Variants in CCDC7 observed in about 807,000 individuals in gnomAD.
CCDC7 encodes coiled-coil domain containing 7.
Under a neutral mutation model 196.9 loss-of-function variants are expected in CCDC7, and 183 were observed. The observed-to-expected ratio is 0.93, with a 90% confidence interval of 0.82 to 1.05. The LOEUF (loss-of-function observed/expected upper bound fraction) is 1.05, where lower values mean the gene tolerates loss of function less well. Ranked by LOEUF, CCDC7 falls within the 50% of genes least tolerant of loss-of-function variation. The pLI is 0.00. For synonymous variants in CCDC7, 525 were observed against 484.6 expected, an observed-to-expected ratio of 1.08 and a Z score of -1.10; for missense variants, 1,540 against 1,482.2, an observed-to-expected ratio of 1.04 and a Z score of -0.64.
chr10:32,500,906 C>T (rs182094681), intron 9 of CCDC7, among the ~76,000 whole-genome samples: 1,848 of 152,204 alleles, frequency 0.012, 42 homozygotes, highest in African/African-American at 0.043. Flanking sequence ...ACCAGTCAGG[C>T]GTGGCGGCGC....
intron 18 of CCDC7, among the ~76,000 whole-genome samples, chr10:32,616,868 G>A (rs1454151256): frequency 6.6e-6 from 1 of 151,662 alleles, no homozygotes; most frequent in Non-Finnish European, 1.5e-5. Context: ...TATCATGAAG[G>A]GATGCTGAAT....
At chr10:32,565,208 C>G (rs1472349099) in intron 13 of CCDC7, among the ~76,000 whole-genome samples, 1 of 152,116 alleles carries the variant, frequency 6.6e-6, no homozygotes, top group Non-Finnish European at 1.5e-5. Flanking sequence ...TACTCATTTG[C>G]ACAAAGCCAG....
intron 24 of CCDC7, among the ~76,000 whole-genome samples, chr10:32,695,807 G>C (rs906976310): frequency 6.6e-6 from 1 of 152,290 alleles, no homozygotes; most frequent in East Asian, 1.9e-4. Flanking sequence ...TACAATGTCA[G>C]TTGCTTTAAA....
chr10:32,631,495 A>G (rs984418190), intron 18 of CCDC7, among the ~76,000 whole-genome samples: 1 of 152,126 alleles, frequency 6.6e-6, no homozygotes, highest in Non-Finnish European at 1.5e-5. Flanking sequence ...TCTCAATTCT[A>G]TTGCATTTAT....
At chr10:32,445,147 C>G (rs2030664623), upstream of CCDC7, among the ~76,000 whole-genome samples, 1 of 152,154 alleles carries the variant, frequency 6.6e-6, no homozygotes, top group Non-Finnish European at 1.5e-5. Context: ...GCCACCACGC[C>G]CAGCCTGCCT....
chr10:32,626,857 C>T (rs1447260545), intron 18 of CCDC7, among the ~76,000 whole-genome samples: 1 of 151,858 alleles, frequency 6.6e-6, no homozygotes, highest in Non-Finnish European at 1.5e-5. Flanking sequence ...AATCAATTGG[C>T]TATATAGGCT....
chr10:32,727,437 G>A (rs1439107020), intron 26 of CCDC7, among the ~76,000 whole-genome samples: 1 of 152,062 alleles, frequency 6.6e-6, no homozygotes, highest in African/African-American at 2.4e-5. Flanking sequence ...TTTCATTTTA[G>A]GGGATTGAGA....
intron 34 of CCDC7, 48 bp from the exon 36 acceptor site, chr10:32,845,495 G>A (rs148652276): frequency 7.7e-5 from 112 of 1,455,964 alleles, no homozygotes; most frequent in Non-Finnish European, 1.1e-4. Context: ...CACAAGTATG[G>A]TAATGATAAT....
chr10:32,762,522 G>A (rs1319847778), intron 28 of CCDC7, among the ~76,000 whole-genome samples: 1 of 151,482 alleles, frequency 6.6e-6, no homozygotes, highest in Non-Finnish European at 1.5e-5. Context: ...ACATCAAGTA[G>A]CCAAAACAGT....
At position 32,805,029 on chromosome 10, in the gene CCDC7, AG is replaced by A; in HGVS notation, c.3029del (p.Ser1010ThrfsTer2). On this transcript the variant is annotated frameshift_variant, in exon 30 of 42. Transcript: ENST00000639629. LOFTEE classifies it high-confidence loss of function. ...TATTTCTATAGAGACTGATATAGAA[AG>A]CTTGAGAGGTGCTTTGGGAAGACGC... 3.7e-6 allele frequency: 6 copies of A among 1,610,140 alleles called. No individual in the cohort carries two copies. The highest frequency in any genetic ancestry group is 1.7e-6 in the Non-Finnish European group (2 of 1,176,552).
chr10:32,794,084 T>C (rs1283843917), intron 29 of CCDC7, among the ~76,000 whole-genome samples: 1 of 152,148 alleles, frequency 6.6e-6, no homozygotes, highest in Non-Finnish European at 1.5e-5. Flanking sequence ...TAGTACTCCA[T>C]AGGTAGCCTT....
At chr10:32,641,274 C>G (rs1355775217) in intron 20 of CCDC7, among the ~76,000 whole-genome samples, 2 of 152,234 alleles carry the variant, frequency 1.3e-5, no homozygotes, top group Non-Finnish European at 2.9e-5. Context: ...TTCTCCCTGT[C>G]ACTTTCAGAT....
At chr10:32,648,121 A>G (rs945133063) in intron 20 of CCDC7, among the ~76,000 whole-genome samples, 2 of 152,166 alleles carry the variant, frequency 1.3e-5, no homozygotes, top group Non-Finnish European at 2.9e-5. Context: ...TGGTCTTGTC[A>G]AATATCAGAT....
rs558135609 is a variant in CCDC7 at position 32,641,787 on chromosome 10, C to T, written c.2014+6629C>T. On this transcript the variant is annotated intron_variant, in intron 20 of 41. Transcript: ENST00000639629. ...TTTTTCCCCATCTTCGTGGTTTTAT[C>T]TACCTTTGGTCTTTGATGATGGTGA... is the stretch of plus-strand genomic sequence containing the variant. Among the ~76,000 whole-genome samples the T allele has an allele frequency of 7.2e-5, 11 of 152,284 alleles. 1 individual carries two copies. In the South Asian group the frequency reaches 2.1e-3, roughly 29 times the overall value.
chr10:32,495,468 G>C (rs1252598714), intron 9 of CCDC7, among the ~76,000 whole-genome samples: 1 of 152,158 alleles, frequency 6.6e-6, no homozygotes, highest in Admixed American at 6.5e-5. Flanking sequence ...CTTTACCCAT[G>C]CCTATGTCCT....
chr10:32,807,882 C>T (rs11511063), intron 30 of CCDC7, among the ~76,000 whole-genome samples: 44 of 152,188 alleles, frequency 2.9e-4, no homozygotes, highest in Non-Finnish European at 6.0e-4. Context: ...AGGCATGCAC[C>T]ACCATGCCCA....
intron 16 of CCDC7, among the ~76,000 whole-genome samples, chr10:32,579,236 G>A (rs551644438): frequency 2.1e-4 from 31 of 147,108 alleles, no homozygotes; most frequent in African/African-American, 7.0e-4. Flanking sequence ...ACTAGTTTTT[G>A]TTTTTTTTTT....
intron 31 of CCDC7, among the ~76,000 whole-genome samples, chr10:32,822,614 T>C (rs1427179478): frequency 1.3e-5 from 2 of 152,036 alleles, no homozygotes; most frequent in Non-Finnish European, 2.9e-5. Context: ...GCACAAAAAC[T>C]GGGGAAAGAG....
At position 32,619,910 on chromosome 10, in the gene CCDC7, C is replaced by CTTTTTTTTTTTTTTTTTTTTT. The variant is rs56089046; in HGVS notation, c.1802-14334_1802-14314dup. Among the ~76,000 whole-genome samples the CTTTTTTTTTTTTTTTTTTTTT allele has an allele frequency of 6.3e-5, 5 of 79,276 alleles. 1 individual carries two copies. The highest frequency in any genetic ancestry group is 3.3e-4 in the African/African-American group (5 of 15,308). 52.0% of individuals were successfully genotyped at this position (79,276 alleles called of 152,430 possible). A position where few individuals can be genotyped will look rare whatever the true frequency, so the allele number is the denominator to read the frequency against. On this transcript the variant is annotated intron_variant, in intron 18 of 41. Coordinates refer to ENST00000639629, the Ensembl canonical transcript of CCDC7. Reference sequence around the variant, plus strand: ...CACTGCTCCCAGCCCTTCAATGTACCTTTTTTTTTTTTTTTTTTTTTTTTT... The same window carrying CTTTTTTTTTTTTTTTTTTTTT: ...CACTGCTCCCAGCCCTTCAATGTACCTTTTTTTTTTTTTTTTTTTTTTTTTTTTTTTTTTTTTTTTTTTTTT...
Sources: allele counts gnomAD v4.1 joint callset (sites outside exome capture counted in the v4.1 genomes callset), GRCh38; gene constraint gnomAD v4.1.1; transcripts MANE v1.5; gene names NCBI Gene and HGNC (gene_info 2026-07-23, HGNC 2026-07-21).